USP37: variants seen among roughly 807,000 people sequenced by gnomAD.
USP37 encodes ubiquitin specific peptidase 37.
Under a neutral mutation model 124.0 loss-of-function variants are expected in USP37, and 27 were observed. The observed-to-expected ratio is 0.22, with a 90% CI of 0.16 to 0.30. USP37 has a LOEUF of 0.30. USP37 is among the 10% of genes least tolerant of loss of function. The pLI, the probability that USP37 is intolerant of heterozygous loss-of-function variation, is 1.00. For missense variants in USP37, 889 were observed against 1,140.4 expected (o/e 0.78, Z 3.17); for synonymous variants, 365 against 388.0 (o/e 0.94, Z 0.70).
At chr2:218,480,626 C>T (rs1279779581) in intron 17 of USP37, among the ~76,000 whole-genome samples, 1 of 152,128 alleles carries the variant, frequency 6.6e-6, no homozygotes, top group Non-Finnish European at 1.5e-5. Flanking sequence ...AGACACTGTG[C>T]TAAGAACTCT....
chr2:218,478,671 C>T (rs990932294), intron 18 of USP37, among the ~76,000 whole-genome samples: 1 of 152,152 alleles, frequency 6.6e-6, no homozygotes, highest in African/African-American at 2.4e-5. Flanking sequence ...GAGTGCATTC[C>T]ATTAATGATT....
At chr2:218,508,884 G>T (rs1457809604) in intron 11 of USP37, among the ~76,000 whole-genome samples, 1 of 152,188 alleles carries the variant, frequency 6.6e-6, no homozygotes, top group African/African-American at 2.4e-5. Context: ...AAGTAATGTT[G>T]TAAGTTTAAA....
chr2:218,455,098 A>G (rs1251748965), intron 25 of USP37, 81 bp from the exon 26 acceptor site: 1 of 1,526,612 alleles, frequency 6.6e-7, no homozygotes, highest in African/African-American at 1.4e-5. Context: ...AAGTAAAATA[A>G]AATTGATATG....
At chr2:218,488,984 A>G (rs1306789380) in intron 14 of USP37, among the ~76,000 whole-genome samples, 1 of 152,186 alleles carries the variant, frequency 6.6e-6, no homozygotes, top group East Asian at 1.9e-4. Flanking sequence ...AAACTAAAGT[A>G]TAACATAACA....
At chr2:218,525,794 G>A (rs1052423322) in intron 10 of USP37, among the ~76,000 whole-genome samples, 3 of 152,094 alleles carry the variant, frequency 2.0e-5, no homozygotes, top group African/African-American at 7.2e-5. Flanking sequence ...TCATCACCCA[G>A]GTATTAAGCC....
intron 20 of USP37, among the ~76,000 whole-genome samples, chr2:218,469,994 G>T (rs1690585915): frequency 6.6e-6 from 1 of 151,698 alleles, no homozygotes; most frequent in African/African-American, 2.4e-5. Flanking sequence ...CTAATTTTTT[G>T]TATTTTTAGT....
chr2:218,532,487 A>G (rs1691389306), intron 9 of USP37, among the ~76,000 whole-genome samples: 1 of 151,184 alleles, frequency 6.6e-6, no homozygotes, highest in South Asian at 2.1e-4. Flanking sequence ...AAAAAAAAGA[A>G]AGAAAGAAAT....
chr2:218,534,525 G>T, intron 9 of USP37, 84 bp downstream of exon 9: 2 of 682,718 alleles, frequency 2.9e-6, no homozygotes, highest in Non-Finnish European at 4.3e-6. Flanking sequence ...TAAAAAGAAT[G>T]TACAGATGGG....
intron 14 of USP37, among the ~76,000 whole-genome samples, chr2:218,494,099 C>G (rs1029895822): frequency 6.6e-6 from 1 of 152,142 alleles, no homozygotes; most frequent in Non-Finnish European, 1.5e-5. Context: ...TTTAGACAAC[C>G]ATTTATCCAC....
intron 10 of USP37, among the ~76,000 whole-genome samples, chr2:218,520,016 C>T (rs564749823): frequency 1.6e-4 from 25 of 152,244 alleles, no homozygotes; most frequent in Non-Finnish European, 3.4e-4. Context: ...AGGCTCACTG[C>T]AATCTCTGCC....
chr2:218,561,730 T>C (rs1430493699), intron 2 of USP37, among the ~76,000 whole-genome samples: 7 of 151,848 alleles, frequency 4.6e-5, no homozygotes, highest in African/African-American at 1.7e-4. Flanking sequence ...ATCATATCCC[T>C]CTCTTGCTTT....
intron 11 of USP37, among the ~76,000 whole-genome samples, chr2:218,506,204 A>G (rs964860381): frequency 1.3e-5 from 2 of 150,772 alleles, no homozygotes; most frequent in Admixed American, 1.3e-4. Flanking sequence ...CAATGCTTTA[A>G]TCTTCTTCTT....
intron 11 of USP37, among the ~76,000 whole-genome samples, chr2:218,506,563 G>C (rs1689691150): frequency 6.6e-6 from 1 of 150,566 alleles, no homozygotes; most frequent in South Asian, 2.1e-4. Context: ...GGGATTACAG[G>C]GGTGAGCCAC....
At chr2:218,539,952 A>G (rs1047037888) in intron 8 of USP37, among the ~76,000 whole-genome samples, 4 of 152,034 alleles carry the variant, frequency 2.6e-5, no homozygotes, top group African/African-American at 9.7e-5. Flanking sequence ...AGAGGTTGCA[A>G]TGAGCCAAGA....
At chr2:218,549,736 T>C in intron 6 of USP37, 73 bp downstream of exon 6, 1 of 1,439,174 alleles carries the variant, frequency 6.9e-7, no homozygotes, top group South Asian at 1.2e-5. Flanking sequence ...AGTGCTGGGA[T>C]TACAGGCGTG....
At chr2:218,543,068 C>A (rs1422815823) in intron 8 of USP37, among the ~76,000 whole-genome samples, 1 of 152,188 alleles carries the variant, frequency 6.6e-6, no homozygotes, top group East Asian at 1.9e-4. Context: ...ATCTCATACT[C>A]ACTGAACCTA....
In USP37 at chr2:218,453,155, A is replaced by G. The variant is rs533511216; in HGVS notation, c.*1775T>C. On this transcript the variant is annotated 3_prime_UTR_variant, in exon 26 of 26. Transcript: ENST00000258399. ...ATGAAAACTTAGAATAGTTTACTAC[A>G]TTAGAATACATCCAAGTTCCAAGAG... 22 of 152,322 alleles carry G rather than the reference A, an allele frequency of 1.4e-4. No homozygotes were observed. In the East Asian group the frequency reaches 4.2e-3, roughly 29 times the overall value. The allele number at this position is 152,322 out of a possible 1,614,324, so 9.4% of individuals were successfully genotyped here.
At chr2:218,479,566 G>A (rs1691138374) in intron 18 of USP37, 84 bp downstream of exon 18, 1 of 1,115,792 alleles carries the variant, frequency 9.0e-7, no homozygotes, top group Admixed American at 1.8e-5. Context: ...AAACAATAAT[G>A]AAAAGGCAGG....
chr2:218,455,369 T>C (rs1689640567), intron 25 of USP37, among the ~76,000 whole-genome samples: 1 of 152,148 alleles, frequency 6.6e-6, no homozygotes, highest in Non-Finnish European at 1.5e-5. Flanking sequence ...GATACAACTG[T>C]GTAATGAGCA....
Sources: gnomAD v4.1 joint callset for allele counts (sites outside exome capture counted in the v4.1 genomes callset) on GRCh38, gnomAD v4.1.1 for gene constraint, MANE v1.5 for transcripts, NCBI Gene and HGNC (gene_info 2026-07-23, HGNC 2026-07-21) for gene names.